The following GPHN variants were observed in gnomAD, a reference collection of about 807,000 sequenced individuals.
GPHN encodes gephyrin.
Under a neutral mutation model 95.5 loss-of-function variants are expected in GPHN, and 17 were observed. The observed-to-expected ratio is 0.18, with a 90% CI of 0.12 to 0.27. The LOEUF (loss-of-function observed/expected upper bound fraction) is 0.27, where lower values mean the gene tolerates loss of function less well. GPHN is among the 10% of genes least tolerant of loss of function. GPHN has a pLI of 1.00. For missense variants in GPHN, 660 were observed against 978.1 expected, an observed-to-expected ratio of 0.67 and a Z score of 4.34; for synonymous variants, 320 against 322.5, an observed-to-expected ratio of 0.99 and a Z score of 0.08.
chr14:67,588,107 A>G, the GPHN span: 1 of 152,584 alleles, frequency 6.6e-6, no homozygotes, highest in Non-Finnish European at 1.5e-5. Context: ...ATAACATGCT[A>G]TACCTGCTAA....
intron 2 of GPHN, among the ~76,000 whole-genome samples, chr14:66,718,517 G>T (rs1413615038): frequency 6.6e-6 from 1 of 152,134 alleles, no homozygotes; most frequent in Non-Finnish European, 1.5e-5. Flanking sequence ...GCGTGGAAGG[G>T]GACCCCAGTG....
chr14:67,249,469 A>G, the GPHN span, among the ~76,000 whole-genome samples: 162 of 152,344 alleles, frequency 1.1e-3, no homozygotes, highest in African/African-American at 3.7e-3. Context: ...TCTGACACAT[A>G]GCAGATACTT....
At chr14:66,853,979 C>A (rs115377139) in intron 4 of GPHN, among the ~76,000 whole-genome samples, 242 of 152,206 alleles carry the variant, frequency 1.6e-3, no homozygotes, top group African/African-American at 5.4e-3. Context: ...ATTTTATCAC[C>A]AAATGAAGTC....
chr14:67,382,664 C>G, the GPHN span: 1 of 1,544,652 alleles, frequency 6.5e-7, no homozygotes, highest in East Asian at 2.2e-5. Context: ...TAAATAAGAG[C>G]TGTCGGCCTT....
chr14:66,623,920 C>T (rs1324923727), intron 1 of GPHN, among the ~76,000 whole-genome samples: 1 of 152,092 alleles, frequency 6.6e-6, no homozygotes, highest in South Asian at 2.1e-4. Context: ...CCTCCTTGAG[C>T]GAGGTTGCTT....
chr14:67,571,783 T>C, the GPHN span: 64 of 1,613,840 alleles, frequency 4.0e-5, no homozygotes, highest in South Asian at 4.9e-4. Context: ...ATGCCCTTTA[T>C]GGACGAGTCC....
the GPHN span, among the ~76,000 whole-genome samples, chr14:67,670,873 A>C: frequency 6.6e-6 from 1 of 152,228 alleles, no homozygotes; most frequent in African/African-American, 2.4e-5. Context: ...CAGAGCCTAG[A>C]CAGTGGCTGA....
intron 10 of GPHN, among the ~76,000 whole-genome samples, chr14:67,049,160 TCAA>T (rs535668112): frequency 1.4e-4 from 22 of 152,242 alleles, no homozygotes; most frequent in African/African-American, 5.3e-4. Context: ...ACAGTCACAA[TCAA>T]CAAGAGAAAC....
chr14:67,468,767 C>A, the GPHN span, among the ~76,000 whole-genome samples: 1 of 152,106 alleles, frequency 6.6e-6, no homozygotes, highest in African/African-American at 2.4e-5. Flanking sequence ...TGGTGGCATG[C>A]ACCTGTAATC....
chr14:67,103,152 C>T (rs1182413678), intron 13 of GPHN, among the ~76,000 whole-genome samples: 1 of 152,114 alleles, frequency 6.6e-6, no homozygotes, highest in Non-Finnish European at 1.5e-5. Flanking sequence ...GCAACCTTCA[C>T]CCCAGTATGG....
At chr14:67,269,277 T>A in the GPHN span, among the ~76,000 whole-genome samples, 1 of 152,186 alleles carries the variant, frequency 6.6e-6, no homozygotes, top group Admixed American at 6.5e-5. Context: ...AACATTTGGA[T>A]TTTTTCTACT....
the GPHN span, chr14:67,222,027 TAC>T: frequency 1.9e-6 from 1 of 519,388 alleles, no homozygotes; most frequent in Non-Finnish European, 3.3e-6. Context: ...AACATTATGG[TAC>T]TTTACTACTT....
chr14:67,710,729 T>TC, the GPHN span, among the ~76,000 whole-genome samples: 1 of 152,016 alleles, frequency 6.6e-6, no homozygotes, highest in African/African-American at 2.4e-5. Flanking sequence ...GGACACACTT[T>TC]TTTTTTTAGA....
chr14:66,753,414 GCA>G (rs1007128747), intron 2 of GPHN, among the ~76,000 whole-genome samples: 12 of 151,872 alleles, frequency 7.9e-5, no homozygotes, highest in African/African-American at 2.7e-4. Context: ...TTTAAGCAGT[GCA>G]CAGATTTAGG....
chr14:67,080,747 TC>T (rs2076662231), intron 11 of GPHN, among the ~76,000 whole-genome samples: 1 of 152,158 alleles, frequency 6.6e-6, no homozygotes, highest in African/African-American at 2.4e-5. Context: ...TATTCTTTTA[TC>T]CCTCACCTGC....
At chr14:67,435,057 C>T in the GPHN span, among the ~76,000 whole-genome samples, 2 of 151,302 alleles carry the variant, frequency 1.3e-5, no homozygotes, top group African/African-American at 4.9e-5. Flanking sequence ...GCCTCCTCCT[C>T]CTGGGTTCAA....
chr14:67,572,282 G>A, the GPHN span: 1 of 1,589,630 alleles, frequency 6.3e-7, no homozygotes, highest in Non-Finnish European at 8.5e-7. Context: ...GGCGGGGTGA[G>A]CCGGGAAACG....
At chr14:66,630,709 T>G (rs2153338940) in intron 1 of GPHN, among the ~76,000 whole-genome samples, 1 of 152,256 alleles carries the variant, frequency 6.6e-6, no homozygotes, top group African/African-American at 2.4e-5. Context: ...CCTGACCTCG[T>G]GATCCGCCTG....
At position 66,590,770 on chromosome 14, in the gene GPHN, G is replaced by A. The variant is rs1047242616; in HGVS notation, c.64+82179G>A. Among the ~76,000 whole-genome samples the A allele has an allele frequency of 2.0e-5, 3 of 152,080 alleles. No individual in the cohort carries two copies. The South Asian group carries it at 6.2e-4, about 31-fold the overall frequency. ...TTCCTTCTGAAACTGTTCCAAACAA[G>A]AGAAAGAGAAGGAATCCTCCCTAAC... On this transcript the variant is annotated intron_variant, in intron 1 of 22. Transcript: ENST00000478722.
Sources: allele counts gnomAD v4.1 joint callset (sites outside exome capture counted in the v4.1 genomes callset), GRCh38; gene constraint gnomAD v4.1.1; transcripts MANE v1.5; gene names NCBI Gene and HGNC (gene_info 2026-07-23, HGNC 2026-07-21).